DNTTIP2: variants seen among roughly 807,000 people sequenced by gnomAD.
The protein encoded by DNTTIP2 is deoxynucleotidyltransferase terminal-interacting protein 2.
Under a neutral mutation model 62.4 loss-of-function variants are expected in DNTTIP2, and 47 were observed. That is an observed-to-expected ratio of 0.75 (90% CI 0.60 to 0.96). DNTTIP2 has a LOEUF of 0.96. Among genes scored for constraint, DNTTIP2 ranks in the 40% least tolerant of loss-of-function variants. The pLI, the probability that DNTTIP2 is intolerant of heterozygous loss-of-function variation, is 0.00. For missense variants in DNTTIP2, 870 were observed against 849.1 expected, an observed-to-expected ratio of 1.02 and a Z score of -0.31; for synonymous variants, 322 against 300.9, an observed-to-expected ratio of 1.07 and a Z score of -0.73.
chr1:93,874,836 T>C lies in DNTTIP2; in HGVS notation c.1806+809A>G, dbSNP rs1217142461. ...CAGAGAAATCTAGAAGTGTGGAGGA[T>C]GGCTTGAAGAACAAGATGAAAACAA... On this transcript the variant is annotated intron_variant, in intron 3 of 6. Coordinates refer to ENST00000436063, the MANE Select transcript of DNTTIP2 (RefSeq NM_014597.5). 2.0e-5 allele frequency among the ~76,000 whole-genome samples: 3 copies of C among 152,108 alleles called. No individual in the cohort carries two copies. In the East Asian group the frequency reaches 5.8e-4, roughly 29 times the overall value.
chr1:93,878,487 T>C (rs1656073377), intron 1 of DNTTIP2: 1 of 154,102 alleles, frequency 6.5e-6, no homozygotes, highest in Non-Finnish European at 1.4e-5. Context: ...AGAAAGGGAA[T>C]ATTAACTCTG....
rs1490734083 is a variant in DNTTIP2, at chr1:93,867,864, C to G, written c.*1987G>C. 6.6e-6 allele frequency: 1 copy of G among 151,670 alleles called. No homozygotes were observed. Among genetic ancestry groups the G allele is most frequent in the African/African-American group, 2.4e-5 (1 of 41,252 alleles). 9.4% of individuals were successfully genotyped at this position (151,670 alleles called of 1,614,324 possible). A position where few individuals can be genotyped will look rare whatever the true frequency, so the allele number is the denominator to read the frequency against. ...ACAGACATAGATGCTTCCCTAACTC[C>G]AACTATGAATGTTATTGTCAGTTCT... On this transcript the variant is annotated 3_prime_UTR_variant, in exon 7 of 7. Coordinates refer to ENST00000436063, the MANE Select transcript of DNTTIP2 (RefSeq NM_014597.5).
Position 93,872,161 on chromosome 1 carries a change from C to A in DNTTIP2, c.1978G>T (p.Asp660Tyr). 1.9e-6 allele frequency: 3 copies of A among 1,613,838 alleles called. No homozygotes were observed. Among genetic ancestry groups the A allele is most frequent in the South Asian group, 1.1e-5 (1 of 91,080 alleles). ...APEMTNELKN[D>Y]LKALKMRASM... ...GCTCTCATCTTCAGTGCTTTGAGATCATTTTTCAGTTCATTTGTCATTTCT... is the reference window on the plus strand; with the variant it reads ...GCTCTCATCTTCAGTGCTTTGAGATAATTTTTCAGTTCATTTGTCATTTCT... The change falls in exon 5 of 7, where the codon GAT becomes TAT. Residue 660 changes from aspartate (D) to tyrosine (Y), a missense_variant. Asp to Tyr is a radical substitution (Grantham distance 160). Transcript: ENST00000436063.
At chr1:93,873,002 T>C (rs1655909818) in intron 4 of DNTTIP2, 117 bp downstream of exon 4, 1 of 633,330 alleles carries the variant, frequency 1.6e-6, no homozygotes, top group Admixed American at 3.3e-5. Flanking sequence ...CTGTAATTAT[T>C]TTCTTTGGAC....
At position 93,869,961 on chromosome 1, in the gene DNTTIP2, A is replaced by G; in HGVS notation, c.2178-17T>C. The G allele has an allele frequency of 1.3e-6, 1 of 774,042 alleles. No individual in the cohort carries two copies. The highest frequency in any genetic ancestry group is 2.4e-6 in the Non-Finnish European group (1 of 415,614). The allele number at this position is 774,042 out of a possible 1,614,324, so 47.9% of individuals were successfully genotyped here. On this transcript the variant is annotated splice_polypyrimidine_tract_variant and intron_variant, in intron 6 of 6. Transcript: ENST00000436063. ...CGGTTGTATCTGAAAAAGAAAAATCAGAACTTTATGTTTGATATATCAGAC... is the reference window on the plus strand; with the variant it reads ...CGGTTGTATCTGAAAAAGAAAAATCGGAACTTTATGTTTGATATATCAGAC...
In DNTTIP2 at chr1:93,876,448, C is replaced by T. The variant is rs774655785; in HGVS notation, c.1487G>A (p.Gly496Glu). 6.2e-7 allele frequency: 1 copy of T among 1,613,848 alleles called. No homozygotes were observed. The highest frequency in any genetic ancestry group is 8.5e-7 in the Non-Finnish European group (1 of 1,179,856). ...GTAAAAATTTTTATCAGCACTCATT[C>T]CAGGAGTTGTGTCAATTACAAACAA... ...NALFVIDTTP[G>E]MSADKNFYLE... The change falls in exon 2 of 7, where the codon GGA becomes GAA. Residue 496 changes from glycine (G) to glutamate (E), a missense_variant. Physicochemically the swap from Gly to Glu is moderately conservative, Grantham distance 98. Coordinates refer to ENST00000436063, the MANE Select transcript of DNTTIP2 (RefSeq NM_014597.5).
chr1:93,877,177 G>C lies in DNTTIP2; in HGVS notation c.758C>G (p.Ser253Cys). The C allele has an allele frequency of 6.2e-7, 1 of 1,613,624 alleles. No homozygotes were observed. The highest frequency in any genetic ancestry group is 8.5e-7 in the Non-Finnish European group (1 of 1,179,864). ...ATAGAAATTTGGCTTATTTATCTCA[G>C]AAAGAGATCTTGCTTGTAAATGGGA... ...QTSHLQARSL[S>C]EINKPNFYNN... The change falls in exon 2 of 7, where the codon TCT becomes TGT. Residue 253 changes from serine to cysteine, a missense_variant. Physicochemically the swap from Ser to Cys is moderately radical, Grantham distance 112. Coordinates refer to ENST00000436063, the MANE Select transcript of DNTTIP2 (RefSeq NM_014597.5).
chr1:93,872,284 CATT>C (rs1655884892), intron 4 of DNTTIP2, 48 bp from the exon 5 acceptor site: 1 of 1,550,258 alleles, frequency 6.5e-7, no homozygotes, highest in African/African-American at 1.4e-5. Context: ...TAAGAGTATA[CATT>C]ATAATTCATT....
chr1:93,873,277 T>A, intron 3 of DNTTIP2, 63 bp from the exon 4 acceptor site: 1 of 1,323,994 alleles, frequency 7.6e-7, no homozygotes, highest in East Asian at 2.4e-5. Context: ...TTTCAACAGT[T>A]TAAACTTCTG....
chr1:93,873,072 A>G (rs1277191147), intron 4 of DNTTIP2, 47 bp downstream of exon 4: 1 of 1,360,742 alleles, frequency 7.3e-7, no homozygotes, highest in Non-Finnish European at 1.0e-6. Context: ...AGCTGAAAAT[A>G]TATAGCCAAA....
chr1:93,875,400 C>G (rs193114108), intron 3 of DNTTIP2, among the ~76,000 whole-genome samples: 2 of 152,170 alleles, frequency 1.3e-5, no homozygotes, highest in Admixed American at 6.5e-5. Flanking sequence ...AAACAAAACC[C>G]CTGGGATCAT....
At position 93,868,299 on chromosome 1, in the gene DNTTIP2, C is replaced by T. The variant is rs565617744; in HGVS notation, c.*1552G>A. On this transcript the variant is annotated 3_prime_UTR_variant, in exon 7 of 7. Transcript: ENST00000436063. ...TGCAAATCAAAACCACAATGAGATA[C>T]CATCTCATTGCCAGTTAGAATGGCA... The T allele has an allele frequency of 6.6e-6, 1 of 152,184 alleles. No homozygotes were observed. The highest frequency in any genetic ancestry group is 2.4e-5 in the African/African-American group (1 of 41,508). 9.4% of individuals were successfully genotyped at this position (152,184 alleles called of 1,614,324 possible).
At chr1:93,871,209 C>T (rs1023854156) in intron 5 of DNTTIP2, among the ~76,000 whole-genome samples, 3 of 152,190 alleles carry the variant, frequency 2.0e-5, no homozygotes, top group African/African-American at 7.2e-5. Context: ...TGTTCATACA[C>T]TCAACTGAAT....
At position 93,876,851 on chromosome 1, in the gene DNTTIP2, A is replaced by G; in HGVS notation, c.1084T>C (p.Ser362Pro). 1 of 1,613,944 alleles carries G rather than the reference A, an allele frequency of 6.2e-7. No individual in the cohort carries two copies. Among genetic ancestry groups the G allele is most frequent in the East Asian group, 2.2e-5 (1 of 44,876 alleles). Residue 362 changes from serine (S) to proline (P), a missense_variant, in exon 2 of 7, where the codon TCA becomes CCA. Coordinates refer to ENST00000436063, the MANE Select transcript of DNTTIP2 (RefSeq NM_014597.5). ...SNLNSEAVMK[S>P]LTQTFATVEV... ...ACAGTTGCAAATGTTTGAGTTAATG[A>G]TTTCATTACAGCCTCAGAGTTCAGA...
In DNTTIP2 at chr1:93,872,081, C is replaced by A. The variant is rs1557717570; in HGVS notation, c.2058G>T (p.Lys686Asn). The A allele has an allele frequency of 1.2e-6, 2 of 1,613,636 alleles. No individual in the cohort carries two copies. The highest frequency in any genetic ancestry group is 1.7e-6 in the Non-Finnish European group (2 of 1,179,758). ...TCTGTTTGCTTCATACCTGGAAGTACTTGGGGAAGCCATCTCTATCATTTT... is the reference window on the plus strand; with the variant it reads ...TCTGTTTGCTTCATACCTGGAAGTAATTGGGGAAGCCATCTCTATCATTTT... ...YKKNDRDGFP[K>N]YFQIGTIVDN... Residue 686 changes from lysine (K) to asparagine (N), a missense_variant, in exon 5 of 7, where the codon AAG becomes AAT. Lys to Asn is a moderately conservative substitution (Grantham distance 94). Coordinates refer to ENST00000436063, the MANE Select transcript of DNTTIP2 (RefSeq NM_014597.5).
chr1:93,876,263 C>A lies in DNTTIP2; in HGVS notation c.1667+5G>T, dbSNP rs1278674764. Reference sequence around the variant, plus strand: ...AAAACTTATAAAAATAAAGGAAAAACTTACAGTTTAGCCTTTGTGCTATTT... The same window carrying A: ...AAAACTTATAAAAATAAAGGAAAAAATTACAGTTTAGCCTTTGTGCTATTT... On this transcript the variant is annotated splice_donor_5th_base_variant and intron_variant, in intron 2 of 6. Coordinates refer to ENST00000436063, the MANE Select transcript of DNTTIP2 (RefSeq NM_014597.5). The A allele has an allele frequency of 4.0e-6, 6 of 1,493,094 alleles. No individual in the cohort carries two copies. In the South Asian group the frequency reaches 6.7e-5, roughly 17 times the overall value. 92.5% of individuals were successfully genotyped at this position (1,493,094 alleles called of 1,614,324 possible).
rs779262659 is a variant in DNTTIP2, at chr1:93,877,687, G to A, written c.248C>T (p.Thr83Met). 2.3e-5 allele frequency: 37 copies of A among 1,613,844 alleles called. No homozygotes were observed. The Admixed American group carries it at 4.7e-4, about 20-fold the overall frequency. Residue 83 changes from threonine (T) to methionine (M), a missense_variant, in exon 2 of 7, where the codon ACG becomes ATG. Physicochemically the swap from Thr to Met is moderately conservative, Grantham distance 81. Transcript: ENST00000436063. ...CTCTGCCTCAGAGGTTTCTCCATCC[G>A]TAGATGGTTCAGTCCCCTTTGGTAG... ...GSLPKGTEPS[T>M]DGETSEAESN...
intron 3 of DNTTIP2, 56 bp downstream of exon 3, chr1:93,875,589 A>C (rs746763890): frequency 1.2e-5 from 18 of 1,546,102 alleles, no homozygotes; most frequent in Non-Finnish European, 1.6e-5. Flanking sequence ...ACCAAGGACT[A>C]ATTTCTAAAA....
intron 4 of DNTTIP2, 42 bp from the exon 5 acceptor site, chr1:93,872,278 A>C: frequency 6.3e-7 from 1 of 1,584,168 alleles, no homozygotes; most frequent in Non-Finnish European, 8.6e-7. Context: ...AACAGCTAAG[A>C]GTATACATTA....
Sources: gnomAD v4.1 joint callset for allele counts (sites outside exome capture counted in the v4.1 genomes callset) on GRCh38, gnomAD v4.1.1 for gene constraint, MANE v1.5 for transcripts, NCBI Gene and HGNC (gene_info 2026-07-23, HGNC 2026-07-21) for gene names.